The following LOC128462377 variants were observed in gnomAD, a reference collection of about 807,000 sequenced individuals.
At chr16:89,323,039 C>T in the LOC128462377 span, 4 of 305,598 alleles carry the variant, frequency 1.3e-5, no homozygotes, top group South Asian at 2.6e-5. Context: ...AGTCGGGTTT[C>T]GCCATGCTTC....
At chr16:89,387,202 C>T in the LOC128462377 span, among the ~76,000 whole-genome samples, 4 of 151,598 alleles carry the variant, frequency 2.6e-5, no homozygotes, top group Non-Finnish European at 4.4e-5. Context: ...AGCAAGGAAA[C>T]ACACAGGAAG....
At chr16:89,415,829 CAAAA>C in the LOC128462377 span, among the ~76,000 whole-genome samples, 41 of 39,736 alleles carry the variant, frequency 1.0e-3, 1 homozygote, top group East Asian at 7.2e-3. Flanking sequence ...GACTCTGTCT[CAAAA>C]AAAAAAAAAA....
At chr16:89,355,582 T>C in the LOC128462377 span, among the ~76,000 whole-genome samples, 1 of 151,982 alleles carries the variant, frequency 6.6e-6, no homozygotes, top group East Asian at 1.9e-4. Flanking sequence ...ACATCGAGTA[T>C]CACAACCAAC....
chr16:89,355,207 G>A, the LOC128462377 span, among the ~76,000 whole-genome samples: 1 of 152,086 alleles, frequency 6.6e-6, no homozygotes, highest in Admixed American at 6.6e-5. Flanking sequence ...ATGCTCGGGA[G>A]GCGGGCAGAG....
the LOC128462377 span, among the ~76,000 whole-genome samples, chr16:89,397,374 G>C: frequency 6.6e-6 from 1 of 152,238 alleles, no homozygotes; most frequent in African/African-American, 2.4e-5. Context: ...CAAAATCTGA[G>C]TTTTCTCAAA....
chr16:89,363,490 AAAAGATTCAGTCTTGC>A, the LOC128462377 span, among the ~76,000 whole-genome samples: 178 of 152,304 alleles, frequency 1.2e-3, no homozygotes, highest in Middle Eastern at 3.4e-3. Context: ...TTAAAAAAAA[AAAAGATTCAGTCTTGC>A]AAAGTTTTGA....
At chr16:89,414,970 G>A in the LOC128462377 span, among the ~76,000 whole-genome samples, 2 of 152,084 alleles carry the variant, frequency 1.3e-5, no homozygotes, top group Non-Finnish European at 2.9e-5. Flanking sequence ...TTTGGGACAG[G>A]GTCTCACCCT....
chr16:89,357,221 A>G, the LOC128462377 span, among the ~76,000 whole-genome samples: 1 of 152,148 alleles, frequency 6.6e-6, no homozygotes, highest in African/African-American at 2.4e-5. Flanking sequence ...GGGGTGAGTC[A>G]GCTTCAACAC....
chr16:89,399,195 G>A, the LOC128462377 span, among the ~76,000 whole-genome samples: 1 of 152,286 alleles, frequency 6.6e-6, no homozygotes, highest in East Asian at 1.9e-4. Flanking sequence ...ACAAGTCAGA[G>A]GCAGAACCGA....
At chr16:89,391,559 A>G in the LOC128462377 span, among the ~76,000 whole-genome samples, 1 of 152,218 alleles carries the variant, frequency 6.6e-6, no homozygotes, top group African/African-American at 2.4e-5. Context: ...ATGAGAGCAA[A>G]GGAAAAATCT....
At chr16:89,412,638 T>C in the LOC128462377 span, 1 of 152,064 alleles carries the variant, frequency 6.6e-6, no homozygotes. Flanking sequence ...TCAATTTAAA[T>C]AGAACTTACT....
the LOC128462377 span, among the ~76,000 whole-genome samples, chr16:89,350,627 G>A: frequency 1.3e-5 from 2 of 152,182 alleles, no homozygotes; most frequent in Non-Finnish European, 2.9e-5. Context: ...TCAGCATCCT[G>A]GGTCCAGGAA....
the LOC128462377 span, among the ~76,000 whole-genome samples, chr16:89,344,906 T>C: frequency 6.6e-6 from 1 of 152,202 alleles, no homozygotes; most frequent in Non-Finnish European, 1.5e-5. Context: ...TTAGTTTCAT[T>C]ACCAGGCTCC....
the LOC128462377 span, among the ~76,000 whole-genome samples, chr16:89,326,930 C>G: frequency 1.3e-5 from 2 of 152,056 alleles, no homozygotes; most frequent in African/African-American, 2.4e-5. Flanking sequence ...CACAGACACA[C>G]GACCAGGCGG....
At chr16:89,343,523 G>A in the LOC128462377 span, among the ~76,000 whole-genome samples, 6 of 152,178 alleles carry the variant, frequency 3.9e-5, no homozygotes, top group Non-Finnish European at 8.8e-5. Context: ...ATGAGACAGA[G>A]CTCGAGGTGG....
the LOC128462377 span, among the ~76,000 whole-genome samples, chr16:89,406,065 G>A: frequency 9.5e-5 from 13 of 136,638 alleles, no homozygotes; most frequent in Middle Eastern, 8.7e-3. Context: ...AACCAAGATC[G>A]CATAACTGCA....
the LOC128462377 span, among the ~76,000 whole-genome samples, chr16:89,370,135 A>G: frequency 6.6e-6 from 1 of 152,258 alleles, no homozygotes; most frequent in Non-Finnish European, 1.5e-5. Flanking sequence ...GAAAAGGATC[A>G]GACTCAGTAA....
At chr16:89,338,264 C>T in the LOC128462377 span, among the ~76,000 whole-genome samples, 1 of 152,120 alleles carries the variant, frequency 6.6e-6, no homozygotes, top group Admixed American at 6.5e-5. Flanking sequence ...GAGCGCCACA[C>T]TGTGTCCTCC....
At chr16:89,379,438 G>T in the LOC128462377 span, among the ~76,000 whole-genome samples, 3 of 152,210 alleles carry the variant, frequency 2.0e-5, no homozygotes, top group African/African-American at 7.2e-5. Flanking sequence ...TCCACACCCT[G>T]TCAGGGCATC....
Sources: allele counts gnomAD v4.1 joint callset (sites outside exome capture counted in the v4.1 genomes callset), GRCh38; gene constraint gnomAD v4.1.1; transcripts MANE v1.5.